The following CDC45 variants were observed in gnomAD, a reference collection of about 807,000 sequenced individuals.
CDC45 encodes the protein cell division cycle 45, also known as cell division control protein 45 homolog.
Under a neutral mutation model 77.8 loss-of-function variants are expected in CDC45, and 54 were observed. The observed-to-expected ratio is 0.69, with a 90% confidence interval of 0.56 to 0.87. CDC45 has a LOEUF of 0.87. Among genes scored for constraint, CDC45 ranks in the 40% least tolerant of loss-of-function variants. The probability of loss-of-function intolerance (pLI) is 0.00; values close to 1 mark genes in which losing one functional copy is unlikely to be tolerated. For missense variants in CDC45, 649 were observed against 721.6 expected, an observed-to-expected ratio of 0.90 and a Z score of 1.15; for synonymous variants, 260 against 272.1, an observed-to-expected ratio of 0.96 and a Z score of 0.44.
chr22:19,487,572 C>T (rs1260033750), intron 5 of CDC45, among the ~76,000 whole-genome samples: 1 of 151,256 alleles, frequency 6.6e-6, no homozygotes, highest in Non-Finnish European at 1.5e-5. Flanking sequence ...TAAGGGTGCA[C>T]ATTCAAAGAG....
At chr22:19,499,072 G>T in intron 8 of CDC45, 29 bp from the exon 9 acceptor site, 1 of 1,613,326 alleles carries the variant, frequency 6.2e-7, no homozygotes, top group Non-Finnish European at 8.5e-7. Flanking sequence ...TGGGCTATAG[G>T]CCGGCTCCAC....
At chr22:19,518,562 T>G (rs1415178170) in intron 17 of CDC45, among the ~76,000 whole-genome samples, 7 of 152,184 alleles carry the variant, frequency 4.6e-5, no homozygotes, top group Non-Finnish European at 8.8e-5. Context: ...GGCCCGTGTT[T>G]GTCCAGGTCT....
chr22:19,507,615 C>G (rs1245731547), intron 11 of CDC45, 98 bp downstream of exon 11: 1 of 1,495,082 alleles, frequency 6.7e-7, no homozygotes, highest in East Asian at 2.3e-5. Flanking sequence ...TAAAATGCAG[C>G]CTGTTCTGCC....
intron 3 of CDC45, among the ~76,000 whole-genome samples, chr22:19,481,846 A>T (rs1376601733): frequency 6.6e-6 from 1 of 151,996 alleles, no homozygotes; most frequent in East Asian, 1.9e-4. Context: ...TAATTTTTGT[A>T]TTTCTAGTAG....
At chr22:19,510,682 C>T (rs1933464406) in intron 13 of CDC45, among the ~76,000 whole-genome samples, 2 of 152,230 alleles carry the variant, frequency 1.3e-5, no homozygotes, top group South Asian at 2.1e-4. Context: ...ACGCATGCCA[C>T]CAAGCCTGGC....
chr22:19,496,075 G>T lies in CDC45; in HGVS notation c.591+46G>T, dbSNP rs376655788. ...CTCACTATAAAGTTCTGACTCCAGG[G>T]GTCAGTGTCCTCAAATGTGAAGAAG... On this transcript the variant is annotated intron_variant, in intron 7 of 18. Coordinates refer to ENST00000263201, the MANE Select transcript of CDC45 (RefSeq NM_003504.5). The T allele has an allele frequency of 1.6e-6, 2 of 1,275,446 alleles. 1 individual carries two copies. The highest frequency in any genetic ancestry group is 2.4e-5 in the South Asian group (2 of 82,048). 79.0% of individuals were successfully genotyped at this position (1,275,446 alleles called of 1,614,324 possible). A position where few individuals can be genotyped will look rare whatever the true frequency, so the allele number is the denominator to read the frequency against.
At chr22:19,480,103 G>A in intron 1 of CDC45, 55 bp from the exon 2 acceptor site, 1 of 1,612,124 alleles carries the variant, frequency 6.2e-7, no homozygotes, top group Non-Finnish European at 8.5e-7. Flanking sequence ...CCGGGAGGCA[G>A]GGGAGGGCCG....
intron 6 of CDC45, among the ~76,000 whole-genome samples, chr22:19,495,432 A>C (rs1436743816): frequency 1.3e-5 from 2 of 152,230 alleles, no homozygotes; most frequent in South Asian, 2.1e-4. Flanking sequence ...ATTTCTCTGA[A>C]ATGGAATTCT....
intron 13 of CDC45, among the ~76,000 whole-genome samples, chr22:19,509,188 T>A (rs1478744640): frequency 2.0e-5 from 3 of 152,212 alleles, no homozygotes; most frequent in Admixed American, 2.0e-4. Flanking sequence ...TATCTCCAAA[T>A]ACACTGAATT....
upstream of CDC45, chr22:19,479,729 T>A (rs533424569): frequency 1.6e-5 from 11 of 667,222 alleles, no homozygotes; most frequent in African/African-American, 1.6e-4. Flanking sequence ...AGTGTTTGCG[T>A]TCGGCCTCAG....
intron 9 of CDC45, among the ~76,000 whole-genome samples, chr22:19,500,785 C>T (rs984975843): frequency 6.6e-6 from 1 of 152,118 alleles, no homozygotes; most frequent in African/African-American, 2.4e-5. Flanking sequence ...TACTTGGTGC[C>T]CTGCAATCAT....
intron 9 of CDC45, among the ~76,000 whole-genome samples, chr22:19,504,672 G>C (rs1234398827): frequency 6.6e-6 from 1 of 152,128 alleles, no homozygotes; most frequent in Non-Finnish European, 1.5e-5. Context: ...GGGGCAAGGG[G>C]GATGTAATCA....
rs1441062499 is a variant in CDC45, at chr22:19,518,097, ACT to A, written c.1637-744_1637-743del. ...TCACCCCGCACAGCAGCCCCTGCTAACTCTTTTGTGCCTGTGATGTGGGAGAG... is the reference window on the plus strand; with the variant it reads ...TCACCCCGCACAGCAGCCCCTGCTAACTTTTGTGCCTGTGATGTGGGAGAG... On this transcript the variant is annotated intron_variant, in intron 17 of 18. Transcript: ENST00000263201. 4.6e-5 allele frequency among the ~76,000 whole-genome samples: 7 copies of A among 152,256 alleles called. No individual in the cohort carries two copies. In the East Asian group the frequency reaches 5.8e-4, roughly 13 times the overall value.
chr22:19,503,786 TCAGAGGG>T (rs1178755304), intron 9 of CDC45, among the ~76,000 whole-genome samples: 1 of 152,120 alleles, frequency 6.6e-6, no homozygotes, highest in East Asian at 1.9e-4. Context: ...CCTCGAGACT[TCAGAGGG>T]AGCCACAAAA....
chr22:19,489,737 C>CA (rs945546481), intron 5 of CDC45, among the ~76,000 whole-genome samples: 5 of 152,084 alleles, frequency 3.3e-5, no homozygotes, highest in Non-Finnish European at 7.4e-5. Context: ...TGCAGTCAGT[C>CA]AAAAAAATGC....
Position 19,514,881 on chromosome 22 carries a change from C to T in CDC45, c.1350C>T (p.Leu450=). The change falls in exon 14 of 19, where the codon CTC becomes CTT. Residue 450 remains leucine, a synonymous_variant. Transcript: ENST00000263201. ...AGGGGCCTTTCCTGTACTGCTCTCT[C>T]ATGGAGGTCAGGCTTCCCACAGAGC... ...ISQGPFLYCS[L]MEGTPDVMLF... 1 of 1,614,226 alleles carries T rather than the reference C, an allele frequency of 6.2e-7. No individual in the cohort carries two copies. Among genetic ancestry groups the T allele is most frequent in the Non-Finnish European group, 8.5e-7 (1 of 1,180,040 alleles).
chr22:19,511,537 T>C (rs1252479727), intron 13 of CDC45, among the ~76,000 whole-genome samples: 1 of 152,050 alleles, frequency 6.6e-6, no homozygotes, highest in Non-Finnish European at 1.5e-5. Flanking sequence ...ACCATGTTGC[T>C]CAGGCTGGTC....
In CDC45 at chr22:19,520,266, G is replaced by A. The variant is rs1207580268; in HGVS notation, c.*2-215G>A. ...GGGTCCGTGAGGTAAGAAGGTGCCC[G>A]GGCCAGGGGGCAGGAGCTCTGATGT... On this transcript the variant is annotated intron_variant, in intron 18 of 18. Transcript: ENST00000263201. The surrounding 1 kb of genome is among the most constrained non-coding windows in gnomAD (Gnocchi z 4.5). Among the ~76,000 whole-genome samples, 7 of 152,066 alleles carry A rather than the reference G, an allele frequency of 4.6e-5. No individual in the cohort carries two copies. The highest frequency in any genetic ancestry group is 1.4e-4 in the African/African-American group (6 of 41,402).
At chr22:19,501,057 GTAGTCCCAGC>G (rs1932884932) in intron 9 of CDC45, among the ~76,000 whole-genome samples, 1 of 152,134 alleles carries the variant, frequency 6.6e-6, no homozygotes, top group South Asian at 2.1e-4. Context: ...CACCTGTACT[GTAGTCCCAGC>G]TACTCGGGAG....
Sources: gnomAD v4.1 joint callset for allele counts (sites outside exome capture counted in the v4.1 genomes callset) on GRCh38, gnomAD v4.1.1 for gene constraint, Gnocchi (gnomAD v3.1) non-coding constraint, MANE v1.5 for transcripts, NCBI Gene and HGNC (gene_info 2026-07-23, HGNC 2026-07-21) for gene names.